KEL: variants seen among roughly 807,000 people sequenced by gnomAD.
KEL encodes the protein Kell metallo-endopeptidase (Kell blood group).
KEL carries 96 observed loss-of-function variants against 99.5 expected under a neutral mutation model. The ratio of observed to expected loss-of-function variants is 0.97; its 90% CI spans 0.82 to 1.14. The LOEUF is 1.14. KEL is among the 50% of genes most tolerant of loss of function. The pLI is 0.00. For synonymous variants in KEL, 355 were observed against 354.8 expected, an observed-to-expected ratio of 1.00 and a Z score of -0.01; for missense variants, 926 against 924.2, an observed-to-expected ratio of 1.00 and a Z score of -0.03.
intron 9 of KEL, among the ~76,000 whole-genome samples, 186 bp downstream of exon 9, chr7:142,953,622 G>A (rs933301629): frequency 6.6e-6 from 1 of 151,956 alleles, no homozygotes; most frequent in African/African-American, 2.4e-5. Flanking sequence ...CATCCTTCTT[G>A]ATCCCTCCAT....
intron 12 of KEL, 79 bp downstream of exon 12, chr7:142,944,564 C>T: frequency 7.5e-7 from 1 of 1,338,494 alleles, no homozygotes; most frequent in Non-Finnish European, 1.1e-6. Flanking sequence ...TTGGCATTTG[C>T]TTCCAATCCC....
chr7:142,945,333 CCT>C (rs1796496719), intron 11 of KEL, among the ~76,000 whole-genome samples: 1 of 152,182 alleles, frequency 6.6e-6, no homozygotes, highest in African/African-American at 2.4e-5. Context: ...GAGTTCAAAC[CCT>C]GTCTCTGCTT....
At chr7:142,947,961 C>T (rs1796577219) in intron 10 of KEL, among the ~76,000 whole-genome samples, 1 of 152,236 alleles carries the variant, frequency 6.6e-6, no homozygotes, top group South Asian at 2.1e-4. Context: ...CAGCCACATT[C>T]TGCTGGACAA....
At chr7:142,943,438 G>A (rs748941178) in intron 15 of KEL, 48 bp downstream of exon 15, 24 of 1,603,120 alleles carry the variant, frequency 1.5e-5, no homozygotes, top group Middle Eastern at 1.6e-4. Context: ...AACACCTGTC[G>A]GCCCCTCTTG....
chr7:142,941,911 C>T (rs943034450), intron 18 of KEL, among the ~76,000 whole-genome samples: 17 of 151,730 alleles, frequency 1.1e-4, no homozygotes, highest in African/African-American at 3.4e-4. Context: ...CAGGTTCAAG[C>T]GATTCTCGTG....
chr7:142,954,354 T>G lies in KEL; in HGVS notation c.754A>C (p.Thr252Pro). 4 of 1,614,074 alleles carry G rather than the reference T, an allele frequency of 2.5e-6. No homozygotes were observed. Among genetic ancestry groups the G allele is most frequent in the Non-Finnish European group, 3.4e-6 (4 of 1,179,994 alleles). Residue 252 changes from threonine to proline, a missense_variant, in exon 8 of 19, where the codon ACT (threonine) becomes CCT (proline). Transcript: ENST00000355265. ...AAGGTTCCCAGCTGATTCAGGTAAG[T>G]CAGGTATTCCCGAAAGATCTGGAGG... Reference protein sequence around the residue: ...IYAQIFREYLTYLNQLGTLLG... With the variant: ...IYAQIFREYLPYLNQLGTLLG...
In KEL at chr7:142,946,308, G is replaced by C; in HGVS notation, c.1213C>G (p.Pro405Ala). 6.2e-7 allele frequency: 1 copy of C among 1,613,254 alleles called. No individual in the cohort carries two copies. Among genetic ancestry groups the C allele is most frequent in the Non-Finnish European group, 8.5e-7 (1 of 1,179,606 alleles). ...TCCTCCACGCACTTCATCCATCGTG[G>C]GCGGGCAGGCTATGGAGACAAAGCT... is the stretch of plus-strand genomic sequence containing the variant. ...LTEQPPMPARPRWMKCVEETG... is the reference protein window; with the variant it reads ...LTEQPPMPARARWMKCVEETG... The change falls in exon 11 of 19, where the codon CCA becomes GCA. Residue 405 changes from proline to alanine, a missense_variant. Pro to Ala is a conservative substitution (Grantham distance 27). Transcript: ENST00000355265.
Position 142,961,789 on chromosome 7 carries a change from A to G in KEL, c.81+6T>C, listed in dbSNP as rs767154445. ...TATTCCAGACCCAGGAGAGGAGGCC[A>G]CTTACCTCTTGGCTCCAGAGAGTTC... On this transcript the variant is annotated splice_donor_region_variant and intron_variant, in intron 2 of 18. Transcript: ENST00000355265. 25 of 1,612,762 alleles carry G rather than the reference A, an allele frequency of 1.6e-5. No individual in the cohort carries two copies. Among genetic ancestry groups the G allele is most frequent in the African/African-American group, 4.0e-5 (3 of 74,892 alleles).
At chr7:142,961,174 A>G in intron 3 of KEL, 70 bp from the exon 4 acceptor site, 2 of 1,572,244 alleles carry the variant, frequency 1.3e-6, no homozygotes, top group Non-Finnish European at 1.7e-6. Flanking sequence ...GGGCTAGGCA[A>G]AGAACATCAG....
chr7:142,962,124 C>T, intron 1 of KEL, 80 bp downstream of exon 1: 1 of 1,613,828 alleles, frequency 6.2e-7, no homozygotes, highest in South Asian at 1.1e-5. Flanking sequence ...CATTCCCTCC[C>T]CTCCAGTGGG....
chr7:142,955,279 C>CT (rs560126691), intron 6 of KEL, among the ~76,000 whole-genome samples: 1 of 152,010 alleles, frequency 6.6e-6, no homozygotes, highest in Non-Finnish European at 1.5e-5. Flanking sequence ...TTATCATGGA[C>CT]TTTTTTTCCC....
rs368333304 is a variant in KEL at position 142,958,286 on chromosome 7, T to C, written c.525+18A>G. On this transcript the variant is annotated intron_variant, in intron 5 of 18. Coordinates refer to ENST00000355265, the MANE Select transcript of KEL (RefSeq NM_000420.3). ...TATGTTATGTATCCAGAAAAGTTAA[T>C]ATCCCAACTTTTCTCACCTCCTCAA... 380 of 1,613,950 alleles carry C rather than the reference T, an allele frequency of 2.4e-4. No individual in the cohort carries two copies. Among genetic ancestry groups the C allele is most frequent in the Non-Finnish European group, 3.1e-4 (360 of 1,180,010 alleles).
intron 17 of KEL, 78 bp from the exon 18 acceptor site, chr7:142,942,607 A>G: frequency 9.0e-7 from 1 of 1,108,918 alleles, no homozygotes; most frequent in Non-Finnish European, 1.3e-6. Flanking sequence ...ACAGTACCCA[A>G]AACCCATGGC....
At chr7:142,949,670 A>G (rs1796625771) in intron 10 of KEL, among the ~76,000 whole-genome samples, 1 of 152,242 alleles carries the variant, frequency 6.6e-6, no homozygotes, top group Admixed American at 6.5e-5. Flanking sequence ...GAATGCATAA[A>G]TCCATATCTA....
chr7:142,944,764 CAG>C (rs751014708), intron 11 of KEL, 23 bp from the exon 12 acceptor site: 1 of 1,572,414 alleles, frequency 6.4e-7, no homozygotes, highest in South Asian at 1.1e-5. Flanking sequence ...GGTCCAGGGA[CAG>C]GGGGACAGGA....
At chr7:142,961,303 T>TGGGCCC in intron 3 of KEL, 57 bp downstream of exon 3, 2 of 1,608,236 alleles carry the variant, frequency 1.2e-6, no homozygotes, top group South Asian at 2.2e-5. Flanking sequence ...GGACTGGGCC[T>TGGGCCC]GGGCCCCAGG....
chr7:142,952,655 G>C lies in KEL; in HGVS notation c.1074-17C>G. 6.2e-7 allele frequency: 1 copy of C among 1,613,818 alleles called. No individual in the cohort carries two copies. The highest frequency in any genetic ancestry group is 1.7e-5 in the Admixed American group (1 of 60,018). On this transcript the variant is annotated splice_polypyrimidine_tract_variant and intron_variant, in intron 9 of 18. Transcript: ENST00000355265. Reference sequence around the variant, plus strand: ...AGAAAGTCCCTATGGAGACAAAAGAGACCCACACATATACCCCAGGAATCT... The same window carrying C: ...AGAAAGTCCCTATGGAGACAAAAGACACCCACACATATACCCCAGGAATCT...
Position 142,953,841 on chromosome 7 carries a change from G to A in KEL, c.1040C>T (p.Ser347Leu), listed in dbSNP as rs1288023610. The A allele has an allele frequency of 1.2e-6, 2 of 1,614,068 alleles. No individual in the cohort carries two copies. Among genetic ancestry groups the A allele is most frequent in the Non-Finnish European group, 1.7e-6 (2 of 1,180,050 alleles). The change falls in exon 9 of 19, where the codon TCA becomes TTA. Residue 347 changes from serine to leucine, a missense_variant. Physicochemically the swap from Ser to Leu is moderately radical, Grantham distance 145. Transcript: ENST00000355265. ...TAGCAGCATCTCCTCCACCAGTTGT[G>A]ACATGTTTTTCAAATATTCCACGTC... is the stretch of plus-strand genomic sequence containing the variant. ...VHDVEYLKNM[S>L]QLVEEMLLKQ...
In KEL at chr7:142,957,922, T is replaced by A. The variant is rs61729031; in HGVS notation, c.577A>T (p.Thr193Ser). ...GKWTSLNFNR[T>S]LRLLMSQYGH... ...TACTGACTCATCAGAAGTCTCAGCG[T>A]TCGGTTAAAGTTTAAGGAAGTCCAT... The change falls in exon 6 of 19, where the codon ACG becomes TCG. Residue 193 changes from threonine (T) to serine (S), a missense_variant. Thr to Ser is a moderately conservative substitution (Grantham distance 58). Coordinates refer to ENST00000355265, the MANE Select transcript of KEL (RefSeq NM_000420.3). 1 of 1,614,092 alleles carries A rather than the reference T, an allele frequency of 6.2e-7. No individual in the cohort carries two copies. Among genetic ancestry groups the A allele is most frequent in the Non-Finnish European group, 8.5e-7 (1 of 1,179,998 alleles).
Sources: allele counts gnomAD v4.1 joint callset (sites outside exome capture counted in the v4.1 genomes callset), GRCh38; gene constraint gnomAD v4.1.1; transcripts MANE v1.5; gene names NCBI Gene and HGNC (gene_info 2026-07-23, HGNC 2026-07-21).